Variants in NFXL1 observed in about 807,000 individuals in gnomAD.
NFXL1 encodes the protein NF-X1-type zinc finger protein NFXL1.
In NFXL1, 66 loss-of-function variants were observed where a neutral mutation model predicts 123.3. That is an observed-to-expected ratio of 0.54 (90% confidence interval 0.44 to 0.66). The LOEUF (loss-of-function observed/expected upper bound fraction) is 0.66. NFXL1 is among the 30% of genes least tolerant of loss of function. The pLI is 0.00. For synonymous variants in NFXL1, 346 were observed against 360.8 expected (o/e 0.96, Z 0.46); for missense variants, 944 against 1,125.6 (o/e 0.84, Z 2.31).
intron 18 of NFXL1, among the ~76,000 whole-genome samples, chr4:47,868,086 C>T (rs928561323): frequency 2.0e-5 from 3 of 152,062 alleles, no homozygotes; most frequent in Admixed American, 2.0e-4. Flanking sequence ...GAGGCCGAGG[C>T]GGGTGGATCA....
rs148471297 is a variant in NFXL1 at position 47,850,201 on chromosome 4, T to C, written c.2562+894A>G. Among the ~76,000 whole-genome samples, 449 of 152,234 alleles carry C rather than the reference T, an allele frequency of 2.9e-3. 2 individuals carry two copies. Among genetic ancestry groups the C allele is most frequent in the African/African-American group, 0.01 (428 of 41,552 alleles). On this transcript the variant is annotated intron_variant, in intron 22 of 22. Transcript: ENST00000507489. ...ATTCCAGCCAACTTATGTTTTACTATTTAGCTCTGATAACTTATTTTGGGG... is the reference window on the plus strand; with the variant it reads ...ATTCCAGCCAACTTATGTTTTACTACTTAGCTCTGATAACTTATTTTGGGG...
Position 47,896,511 on chromosome 4 carries a change from G to T in NFXL1, c.1329+12C>A, listed in dbSNP as rs201088875. 2 of 1,606,382 alleles carry T rather than the reference G, an allele frequency of 1.2e-6. No homozygotes were observed. The highest frequency in any genetic ancestry group is 1.3e-5 in the African/African-American group (1 of 74,882). ...TAGCTCTTAAAAGTAATTATTACAG[G>T]AGATGACTAACTTGTCTACATGTTT... On this transcript the variant is annotated intron_variant, in intron 10 of 22. Coordinates refer to ENST00000507489, the MANE Select transcript of NFXL1 (RefSeq NM_001278624.2).
At chr4:47,853,103 T>C (rs537967918) in intron 20 of NFXL1, among the ~76,000 whole-genome samples, 59 of 152,248 alleles carry the variant, frequency 3.9e-4, no homozygotes, top group African/African-American at 9.9e-4. Context: ...ATCGTGTGTT[T>C]ATAGACATTA....
chr4:47,897,915 C>A, intron 9 of NFXL1, 52 bp downstream of exon 9: 1 of 1,157,772 alleles, frequency 8.6e-7, no homozygotes, highest in South Asian at 1.5e-5. Context: ...AATGTCTTTT[C>A]ATGGCTTGAC....
chr4:47,903,338 T>A lies in NFXL1; in HGVS notation c.517-15A>T, dbSNP rs1385101580. ...CAGCTCCAAACCTAAGACAAATGTA[T>A]CAGAAGTTAATATATGTTAATTTTT... On this transcript the variant is annotated splice_polypyrimidine_tract_variant and intron_variant, in intron 4 of 22. Coordinates refer to ENST00000507489, the MANE Select transcript of NFXL1 (RefSeq NM_001278624.2). The A allele has an allele frequency of 1.3e-6, 2 of 1,482,280 alleles. No individual in the cohort carries two copies. The highest frequency in any genetic ancestry group is 2.5e-5 in the Admixed American group (1 of 39,754). The allele number at this position is 1,482,280 out of a possible 1,614,324, so 91.8% of individuals were successfully genotyped here. A position where few individuals can be genotyped will look rare whatever the true frequency, so the allele number is the denominator to read the frequency against.
At chr4:47,876,997 A>G in intron 17 of NFXL1, 1 of 1,123,498 alleles carries the variant, frequency 8.9e-7, no homozygotes, top group Non-Finnish European at 1.2e-6. Flanking sequence ...ATATGCAAAA[A>G]GAACCAAAGT....
At chr4:47,903,123 A>C (rs1737418807) in intron 5 of NFXL1, 70 bp downstream of exon 5, 6 of 1,143,452 alleles carry the variant, frequency 5.2e-6, no homozygotes, top group Non-Finnish European at 7.3e-6. Context: ...ACTGCACTCC[A>C]GCCTGCGTGA....
At position 47,878,659 on chromosome 4, in the gene NFXL1, GACT is replaced by G. The variant is rs1219687031; in HGVS notation, c.1942_1944del (p.Ser648del). 6.5e-7 allele frequency: 1 copy of G among 1,539,626 alleles called. No individual in the cohort carries two copies. The highest frequency in any genetic ancestry group is 1.4e-5 in the African/African-American group (1 of 71,218). ...GGTCCTACAGCATGGCATGGTAGTG[GACT>G]CACCTTAAAAAATAAAGGAAATCAG... On this transcript the variant is annotated inframe_deletion, in exon 17 of 23. Transcript: ENST00000507489.
Position 47,894,175 on chromosome 4 carries a change from C to G in NFXL1, c.1452+5G>C. ...ATCAGAGGTTTCCAAGGTTAATACA[C>G]AAACCTTTCTTCTACATTGATGCTT... On this transcript the variant is annotated splice_donor_5th_base_variant and intron_variant, in intron 11 of 22. Transcript: ENST00000507489. 2 of 1,591,900 alleles carry G rather than the reference C, an allele frequency of 1.3e-6. No homozygotes were observed. Among genetic ancestry groups the G allele is most frequent in the Non-Finnish European group, 1.7e-6 (2 of 1,169,598 alleles).
chr4:47,871,575 T>TA (rs1735435486), intron 18 of NFXL1, among the ~76,000 whole-genome samples: 1 of 152,168 alleles, frequency 6.6e-6, no homozygotes, highest in Non-Finnish European at 1.5e-5. Context: ...CAATGGATGC[T>TA]AAAATTCGTG....
At chr4:47,910,428 G>A (rs12503789) in intron 3 of NFXL1, among the ~76,000 whole-genome samples, 111,721 of 152,092 alleles carry the variant, frequency 0.73, 41,270 homozygotes, top group South Asian at 0.76. Context: ...ACTTCAAGAC[G>A]CATTTAACAT....
intron 5 of NFXL1, among the ~76,000 whole-genome samples, chr4:47,902,577 C>A (rs184782820): frequency 6.7e-4 from 102 of 152,216 alleles, no homozygotes; most frequent in African/African-American, 2.4e-3. Context: ...TCATAGAATT[C>A]TGGACAAGAA....
intron 3 of NFXL1, among the ~76,000 whole-genome samples, chr4:47,910,544 A>G (rs1404260100): frequency 6.6e-6 from 1 of 152,176 alleles, no homozygotes; most frequent in Non-Finnish European, 1.5e-5. Context: ...CAGGAGCTTT[A>G]GCAGCCCCAT....
intron 8 of NFXL1, among the ~76,000 whole-genome samples, chr4:47,898,528 G>A (rs1737222894): frequency 6.6e-6 from 1 of 151,956 alleles, no homozygotes; most frequent in African/African-American, 2.4e-5. Flanking sequence ...CAAATGTAGT[G>A]AATCCAAAAC....
intron 21 of NFXL1, 122 bp downstream of exon 21, chr4:47,851,733 AC>A (rs1734129102): frequency 9.6e-6 from 6 of 622,384 alleles, no homozygotes; most frequent in Admixed American, 3.0e-5. Flanking sequence ...AGCCTATAAA[AC>A]TAGGCTTTTA....
In NFXL1 at chr4:47,899,092, G is replaced by A. The variant is rs774425033; in HGVS notation, c.855C>T (p.Val285=). 4 of 1,590,376 alleles carry A rather than the reference G, an allele frequency of 2.5e-6. No homozygotes were observed. The highest frequency in any genetic ancestry group is 3.4e-6 in the Non-Finnish European group (4 of 1,170,084). Residue 285 remains valine (V), a synonymous_variant, in exon 7 of 23, where the codon GTC becomes GTT. Transcript: ENST00000507489. ...CTTTCTTACAGTAACAAGTAGTTGTGACCATCTTTGGACAAGGAGGGCAGG... is the reference window on the plus strand; with the variant it reads ...CTTTCTTACAGTAACAAGTAGTTGTAACCATCTTTGGACAAGGAGGGCAGG... ...PGPCPPCPKM[V]TTTCYCKKAK...
At chr4:47,861,146 C>A (rs185737057) in intron 19 of NFXL1, among the ~76,000 whole-genome samples, 26 of 152,212 alleles carry the variant, frequency 1.7e-4, no homozygotes, top group African/African-American at 5.3e-4. Context: ...CAGGCATGAG[C>A]CACCATGCCC....
At chr4:47,903,647 G>A (rs1560604133) in intron 4 of NFXL1, among the ~76,000 whole-genome samples, 1 of 151,850 alleles carries the variant, frequency 6.6e-6, no homozygotes. Context: ...TAACTGAAAT[G>A]TAACTTTATA....
At chr4:47,849,152 AGAACTC>A (rs1733976517) in intron 22 of NFXL1, among the ~76,000 whole-genome samples, 1 of 152,158 alleles carries the variant, frequency 6.6e-6, no homozygotes, top group African/African-American at 2.4e-5. Context: ...AAAAGCTGCC[AGAACTC>A]GATTCTTCTC....
Sources: gnomAD v4.1 joint callset for allele counts (sites outside exome capture counted in the v4.1 genomes callset) on GRCh38, gnomAD v4.1.1 for gene constraint, MANE v1.5 for transcripts, NCBI Gene and HGNC (gene_info 2026-07-23, HGNC 2026-07-21) for gene names.